Variants in LIN52 observed in about 807,000 individuals in gnomAD.
LIN52 encodes the protein lin-52 DREAM MuvB core complex component.
In LIN52, 4 loss-of-function variants were observed where a neutral mutation model predicts 18.5. The observed-to-expected ratio is 0.22, with a 90% CI of 0.11 to 0.49. The LOEUF is 0.49. Among genes scored for constraint, LIN52 ranks in the 20% least tolerant of loss-of-function variants. The probability of loss-of-function intolerance (pLI) is 0.97; values close to 1 mark genes in which losing one functional copy is unlikely to be tolerated. For missense variants in LIN52, 102 were observed against 139.5 expected, an observed-to-expected ratio of 0.73 and a Z score of 1.35; for synonymous variants, 34 against 45.5, an observed-to-expected ratio of 0.75 and a Z score of 1.02.
chr14:74,136,009 T>G (rs2061095842), intron 5 of LIN52, among the ~76,000 whole-genome samples: 1 of 152,240 alleles, frequency 6.6e-6, no homozygotes, highest in South Asian at 2.1e-4. Context: ...TCCATGCTAA[T>G]GGTATTCCTC....
intron 5 of LIN52, among the ~76,000 whole-genome samples, chr14:74,148,376 C>T (rs146748681): frequency 8.5e-5 from 13 of 152,208 alleles, no homozygotes; most frequent in Non-Finnish European, 1.5e-4. Context: ...GTCAAAAATA[C>T]ATAAGCTCCT....
At chr14:74,195,087 A>G (rs929128739) in intron 5 of LIN52, among the ~76,000 whole-genome samples, 2 of 152,198 alleles carry the variant, frequency 1.3e-5, no homozygotes, top group African/African-American at 4.8e-5. Flanking sequence ...CAGAGGTTGC[A>G]GTGAGCTGAG....
At chr14:74,121,392 ATAAG>A (rs1300196346) in intron 5 of LIN52, among the ~76,000 whole-genome samples, 1 of 152,240 alleles carries the variant, frequency 6.6e-6, no homozygotes, top group African/African-American at 2.4e-5. Flanking sequence ...TATTGATTTC[ATAAG>A]TAAGTGATGC....
At chr14:74,163,057 C>T (rs1424439735) in intron 5 of LIN52, among the ~76,000 whole-genome samples, 1 of 152,014 alleles carries the variant, frequency 6.6e-6, no homozygotes, top group Non-Finnish European at 1.5e-5. Flanking sequence ...AGGCACTTAC[C>T]CTTTCTATTC....
intron 5 of LIN52, among the ~76,000 whole-genome samples, chr14:74,159,961 G>A (rs891419981): frequency 6.6e-6 from 1 of 152,172 alleles, no homozygotes; most frequent in Admixed American, 6.5e-5. Flanking sequence ...GTTTGTGTGT[G>A]TACATGTATA....
intron 5 of LIN52, among the ~76,000 whole-genome samples, chr14:74,140,294 C>T (rs1250900402): frequency 1.3e-5 from 2 of 152,122 alleles, no homozygotes; most frequent in Non-Finnish European, 2.9e-5. Flanking sequence ...GGATTCTCAT[C>T]CTCTCAGTAG....
At chr14:74,160,246 C>T (rs186389594) in intron 5 of LIN52, among the ~76,000 whole-genome samples, 7 of 152,296 alleles carry the variant, frequency 4.6e-5, no homozygotes, top group African/African-American at 1.7e-4. Context: ...ATGCCATCTA[C>T]AAGCCAAAGA....
intron 5 of LIN52, among the ~76,000 whole-genome samples, chr14:74,143,692 T>C (rs2061142589): frequency 6.6e-6 from 1 of 152,220 alleles, no homozygotes; most frequent in African/African-American, 2.4e-5. Flanking sequence ...TGGGGTACAG[T>C]TTGACATTTC....
chr14:74,157,654 A>C (rs1595178513), intron 5 of LIN52, among the ~76,000 whole-genome samples: 2 of 151,582 alleles, frequency 1.3e-5, no homozygotes, highest in South Asian at 4.2e-4. Context: ...TTTTCTGTGG[A>C]GATGGGATTG....
chr14:74,165,718 A>G (rs2061246604), intron 5 of LIN52, among the ~76,000 whole-genome samples: 1 of 151,842 alleles, frequency 6.6e-6, no homozygotes, highest in African/African-American at 2.4e-5. Flanking sequence ...CATGTTGGCC[A>G]GGGTGCTATC....
chr14:74,093,624 C>T (rs1339638838), intron 2 of LIN52, among the ~76,000 whole-genome samples: 2 of 152,136 alleles, frequency 1.3e-5, no homozygotes, highest in South Asian at 2.1e-4. Context: ...CTGCACCTGG[C>T]CCACTCTTAT....
chr14:74,100,466 A>C (rs536740821), intron 4 of LIN52, among the ~76,000 whole-genome samples: 1 of 151,784 alleles, frequency 6.6e-6, no homozygotes, highest in Admixed American at 6.6e-5. Context: ...ATACCCAGCT[A>C]ATTTTATTTT....
intron 5 of LIN52, among the ~76,000 whole-genome samples, chr14:74,187,972 A>C (rs990443703): frequency 3.3e-5 from 5 of 152,238 alleles, no homozygotes; most frequent in Admixed American, 2.6e-4. Context: ...CCTAAGGTAG[A>C]TTTAAATCCC....
intron 5 of LIN52, among the ~76,000 whole-genome samples, chr14:74,108,773 T>C (rs1741230414): frequency 6.6e-6 from 1 of 152,192 alleles, no homozygotes; most frequent in South Asian, 2.1e-4. Flanking sequence ...TCATTATATA[T>C]TCTAGAAACA....
chr14:74,114,551 T>A, intron 5 of LIN52: 1 of 476,290 alleles, frequency 2.1e-6, no homozygotes, highest in Non-Finnish European at 2.7e-6. Context: ...TGTTTTAGCC[T>A]AATTAATGAC....
At chr14:74,146,299 G>T (rs1461283965) in intron 5 of LIN52, among the ~76,000 whole-genome samples, 2 of 152,076 alleles carry the variant, frequency 1.3e-5, no homozygotes, top group Non-Finnish European at 2.9e-5. Flanking sequence ...TCATATATCT[G>T]TGCCAACCAT....
chr14:74,089,068 G>A (rs752751242), intron 1 of LIN52, among the ~76,000 whole-genome samples: 1 of 152,092 alleles, frequency 6.6e-6, no homozygotes, highest in Non-Finnish European at 1.5e-5. Context: ...ATAGATTCCG[G>A]GGGTGTGAAG....
intron 5 of LIN52, among the ~76,000 whole-genome samples, chr14:74,159,081 G>T (rs751368508): frequency 6.6e-6 from 1 of 152,136 alleles, no homozygotes; most frequent in Non-Finnish European, 1.5e-5. Flanking sequence ...ATTCCTAGTG[G>T]TTGGGTCTTA....
intron 5 of LIN52, among the ~76,000 whole-genome samples, chr14:74,102,942 CAT>C (rs140178951): frequency 0.11 from 16,963 of 152,182 alleles, 1,237 homozygotes; most frequent in Admixed American, 0.19. Context: ...CAGTAATCAA[CAT>C]ATAGCCAATC....
Sources: gnomAD v4.1 joint callset for allele counts (sites outside exome capture counted in the v4.1 genomes callset) on GRCh38, gnomAD v4.1.1 for gene constraint, MANE v1.5 for transcripts, NCBI Gene and HGNC (gene_info 2026-07-23, HGNC 2026-07-21) for gene names.